Variants in CRTC2 observed in about 807,000 individuals in gnomAD.
CRTC2 encodes the protein CREB-regulated transcription coactivator 2.
A neutral mutation model predicts 70.9 loss-of-function variants in CRTC2; 25 were observed. The observed-to-expected ratio is 0.35, with a 90% CI of 0.26 to 0.49. CRTC2 has a LOEUF of 0.49. Among genes scored for constraint, CRTC2 ranks in the 20% least tolerant of loss-of-function variants. The probability of loss-of-function intolerance (pLI) is 0.98; values close to 1 mark genes in which losing one functional copy is unlikely to be tolerated. For synonymous variants in CRTC2, 330 were observed against 364.1 expected, an observed-to-expected ratio of 0.91 and a Z score of 1.07; for missense variants, 737 against 882.6, an observed-to-expected ratio of 0.83 and a Z score of 2.09.
chr1:153,951,680 C>A lies in CRTC2; in HGVS notation c.998-14G>T. On this transcript the variant is annotated splice_polypyrimidine_tract_variant and intron_variant, in intron 10 of 13. Transcript: ENST00000368633. The stretch of plus-strand genomic sequence containing the variant: ...GTGAATGAAGTCCTGCAGGCACAGA[C>A]AAAAAACCAGAGATGCCAACATTAC... 1.2e-6 allele frequency: 2 copies of A among 1,609,444 alleles called. No homozygotes were observed. The highest frequency in any genetic ancestry group is 1.7e-5 in the Admixed American group (1 of 58,968).
rs1420477049 is a variant in CRTC2, at chr1:153,954,242, C to T, written c.434+13G>A. 2.5e-6 allele frequency: 4 copies of T among 1,607,172 alleles called. No homozygotes were observed. Among genetic ancestry groups the T allele is most frequent in the Admixed American group, 1.7e-5 (1 of 59,646 alleles). On this transcript the variant is annotated intron_variant, in intron 4 of 13. Transcript: ENST00000368633. ...AGAGTAGGCAGGAGCTTCTGCCCGCCCTGGACACTTACCTTCGCCAGCTAG... is the reference window on the plus strand; with the variant it reads ...AGAGTAGGCAGGAGCTTCTGCCCGCTCTGGACACTTACCTTCGCCAGCTAG...
At chr1:153,956,730 T>A (rs951644342) in intron 1 of CRTC2, among the ~76,000 whole-genome samples, 9 of 152,184 alleles carry the variant, frequency 5.9e-5, no homozygotes, top group Non-Finnish European at 1.5e-5. Context: ...GAGTCCCAGA[T>A]CTCTTGTCCC....
chr1:153,951,690 G>C, intron 10 of CRTC2, 24 bp from the exon 11 acceptor site: 3 of 1,610,800 alleles, frequency 1.9e-6, no homozygotes, highest in Non-Finnish European at 2.5e-6. Context: ...CAAAAAACCA[G>C]AGATGCCAAC....
intron 11 of CRTC2, among the ~76,000 whole-genome samples, chr1:153,949,647 G>A (rs1373591381): frequency 2.0e-5 from 3 of 152,062 alleles, no homozygotes; most frequent in East Asian, 1.9e-4. Context: ...TCAGGAGTTC[G>A]AGACCAGCCT....
chr1:153,951,643 G>A lies in CRTC2; in HGVS notation c.1021C>T (p.Pro341Ser). 6.2e-7 allele frequency: 1 copy of A among 1,613,632 alleles called. No homozygotes were observed. The highest frequency in any genetic ancestry group is 8.5e-7 in the Non-Finnish European group (1 of 1,179,808). Residue 341 changes from proline (P) to serine (S), a missense_variant, in exon 11 of 14, where the codon CCA becomes TCA. Physicochemically the swap from Pro to Ser is moderately conservative, Grantham distance 74 (BLOSUM62 -1). Around this residue, in one of 3 missense-constraint regions of CRTC2, gnomAD observed 699 missense variants for 823.7 expected, o/e 0.85. Transcript: ENST00000368633. ...APGLHSPLSH[P>S]SLQSSLSNPN... ...TTGCTTAGGGAGGACTGCAGGGATG[G>A]GTGGCTGAGAGGTGAATGAAGTCCT...
rs1680171753 is a variant in CRTC2 at position 153,948,941 on chromosome 1, G to C, written c.1674+174C>G. On this transcript the variant is annotated intron_variant, in intron 12 of 13. Coordinates refer to ENST00000368633, the MANE Select transcript of CRTC2 (RefSeq NM_181715.3). ...GGGGCAGGAGTAGGGTCAAACGCAG[G>C]AAGAGAGGAGCCCCAAGCTGGCAGT... 4 of 783,816 alleles carry C rather than the reference G, an allele frequency of 5.1e-6. No individual in the cohort carries two copies. The East Asian group carries it at 1.1e-4, about 21-fold the overall frequency. 48.6% of individuals were successfully genotyped at this position (783,816 alleles called of 1,614,324 possible).
chr1:153,957,019 G>A (rs1402657363), intron 1 of CRTC2, among the ~76,000 whole-genome samples: 3 of 152,240 alleles, frequency 2.0e-5, no homozygotes, highest in Non-Finnish European at 4.4e-5. Flanking sequence ...CCAACATGAT[G>A]AAAAAGCTCC....
rs773962903 is a variant in CRTC2 at position 153,948,149 on chromosome 1, G to A, written c.2042C>T (p.Pro681Leu). The change falls in exon 14 of 14, where the codon CCT becomes CTT. Residue 681 changes from proline (P) to leucine (L), a missense_variant. Physicochemically the swap from Pro to Leu is moderately conservative, Grantham distance 98. Transcript: ENST00000368633. ...LSDPCALLPDPAVEESFRSDR... is the reference protein window; with the variant it reads ...LSDPCALLPDLAVEESFRSDR... ...ACTGCGGAATGACTCCTCCACAGCA[G>A]GATCAGGCAGCAGGGCACAGGGGTC... 1 of 1,614,186 alleles carries A rather than the reference G, an allele frequency of 6.2e-7. No individual in the cohort carries two copies. Among genetic ancestry groups the A allele is most frequent in the South Asian group, 1.1e-5 (1 of 91,090 alleles).
intron 1 of CRTC2, 105 bp downstream of exon 1, chr1:153,958,240 C>A: frequency 1.3e-6 from 2 of 1,499,390 alleles, no homozygotes; most frequent in Non-Finnish European, 1.8e-6. Context: ...GCGTCCCCTG[C>A]TCTGTTCCGC....
At chr1:153,949,721 C>A (rs575556813) in intron 11 of CRTC2, among the ~76,000 whole-genome samples, 1 of 152,012 alleles carries the variant, frequency 6.6e-6, no homozygotes. Context: ...TGGTAGCAGG[C>A]GTCTGTAGTC....
At chr1:153,951,858 G>T (rs1002760798) in intron 10 of CRTC2, 160 bp downstream of exon 10, 2 of 1,139,946 alleles carry the variant, frequency 1.8e-6, no homozygotes, top group Non-Finnish European at 1.2e-6. Context: ...ACACCTACCA[G>T]TTATCACTGG....
intron 12 of CRTC2, 141 bp downstream of exon 12, chr1:153,948,974 T>C (rs1571070278): frequency 3.2e-6 from 3 of 932,304 alleles, no homozygotes; most frequent in East Asian, 5.1e-5. Context: ...AGTGCTATGT[T>C]ACCTCCGGGG....
chr1:153,948,654 T>C lies in CRTC2; in HGVS notation c.1675-10A>G. The C allele has an allele frequency of 1.3e-6, 2 of 1,571,650 alleles. No individual in the cohort carries two copies. Among genetic ancestry groups the C allele is most frequent in the Non-Finnish European group, 1.7e-6 (2 of 1,159,838 alleles). On this transcript the variant is annotated splice_polypyrimidine_tract_variant and intron_variant, in intron 12 of 13. Transcript: ENST00000368633. ...TGCTGAACTGCTCCAGCTATAGACA[T>C]ACAGACAAATCTTTAGGAAGTAGGA...
Position 153,951,299 on chromosome 1 carries a change from A to G in CRTC2, c.1365T>C (p.Phe455=). The G allele has an allele frequency of 6.2e-7, 1 of 1,614,070 alleles. No homozygotes were observed. Among genetic ancestry groups the G allele is most frequent in the East Asian group, 2.2e-5 (1 of 44,872 alleles). ...ACAAGGTGGGTGACATTGTTGGCGA[A>G]AACTGTTTGGGCAGCTGCTGTTGGG... ...RRSQQQLPKQ[F]SPTMSPTLSS... is the part of the protein sequence containing the mutation. Residue 455 remains phenylalanine, a synonymous_variant, in exon 11 of 14, where the codon TTT becomes TTC. Coordinates refer to ENST00000368633, the MANE Select transcript of CRTC2 (RefSeq NM_181715.3).
intron 8 of CRTC2, 41 bp downstream of exon 8, chr1:153,952,530 G>C (rs1486886763): frequency 6.2e-7 from 1 of 1,611,976 alleles, no homozygotes; most frequent in East Asian, 2.2e-5. Flanking sequence ...CAAGGGGATA[G>C]CAGAGAGACT....
At chr1:153,954,150 T>C (rs1571080197) in intron 4 of CRTC2, 105 bp downstream of exon 4, 3 of 841,316 alleles carry the variant, frequency 3.6e-6, no homozygotes, top group East Asian at 5.2e-5. Context: ...AGAGGTACTG[T>C]TGAAACCTTA....
At chr1:153,958,178 CCTT>C in intron 1 of CRTC2, 164 bp downstream of exon 1, 1 of 1,424,418 alleles carries the variant, frequency 7.0e-7, no homozygotes, top group Non-Finnish European at 9.1e-7. Context: ...CCGGCAAAAT[CCTT>C]CTTCCTGCCC....
chr1:153,958,322 G>C (rs186497333), intron 1 of CRTC2, 23 bp downstream of exon 1: 3 of 1,607,608 alleles, frequency 1.9e-6, no homozygotes, highest in Non-Finnish European at 2.5e-6. Context: ...GCTCTGCTCC[G>C]GCTCCCCGGC....
In CRTC2 at chr1:153,953,981, C is replaced by T. The variant is rs1404398133; in HGVS notation, c.434+274G>A. ...TTCACCTGCCCCTCTGCCATTCTCC[C>T]CTCCCCCTTACACACACACCCCAGC... On this transcript the variant is annotated intron_variant, in intron 4 of 13. Coordinates refer to ENST00000368633, the MANE Select transcript of CRTC2 (RefSeq NM_181715.3). Among the ~76,000 whole-genome samples, 5 of 152,280 alleles carry T rather than the reference C, an allele frequency of 3.3e-5. No homozygotes were observed. The South Asian group carries it at 1.0e-3, about 32-fold the overall frequency.
Sources: gnomAD v4.1 joint callset for allele counts (sites outside exome capture counted in the v4.1 genomes callset) on GRCh38, gnomAD v4.1.1 for gene constraint, gnomAD v4.1.1 regional missense constraint, MANE v1.5 for transcripts, NCBI Gene and HGNC (gene_info 2026-07-23, HGNC 2026-07-21) for gene names.